HELQ: variants seen among roughly 807,000 people sequenced by gnomAD.
The protein encoded by HELQ is helicase POLQ-like.
In HELQ, 77 loss-of-function variants were observed where a neutral mutation model predicts 111.6. That is an observed-to-expected ratio of 0.69 (90% CI 0.57 to 0.83). HELQ has a LOEUF of 0.83. Ranked by LOEUF, HELQ falls within the 40% of genes least tolerant of loss-of-function variation. The pLI, the probability that HELQ is intolerant of heterozygous loss-of-function variation, is 0.00. For missense variants in HELQ, 1,200 were observed against 1,288.5 expected (o/e 0.93, Z 1.05); for synonymous variants, 438 against 454.7 (o/e 0.96, Z 0.47).
At chr4:83,434,705 C>T (rs1720353667) in intron 9 of HELQ, among the ~76,000 whole-genome samples, 1 of 152,078 alleles carries the variant, frequency 6.6e-6, no homozygotes, top group Non-Finnish European at 1.5e-5. Flanking sequence ...CTCAAGCAAT[C>T]CTCCTACCTT....
At chr4:83,433,483 C>T (rs1231735190) in intron 9 of HELQ, among the ~76,000 whole-genome samples, 1 of 151,632 alleles carries the variant, frequency 6.6e-6, no homozygotes, top group East Asian at 1.9e-4. Context: ...CTGGCTAACA[C>T]AGTGAAACCC....
At chr4:83,451,973 C>A (rs1439471627) in intron 2 of HELQ, among the ~76,000 whole-genome samples, 3 of 152,208 alleles carry the variant, frequency 2.0e-5, no homozygotes, top group Non-Finnish European at 2.9e-5. Context: ...AAGATCCTAA[C>A]AGGAGTTCCA....
At chr4:83,410,438 A>G (rs553892506) in intron 17 of HELQ, among the ~76,000 whole-genome samples, 1 of 152,322 alleles carries the variant, frequency 6.6e-6, no homozygotes, top group African/African-American at 2.4e-5. Context: ...GTAAATAAAT[A>G]CTGAATGTTT....
intron 14 of HELQ, among the ~76,000 whole-genome samples, chr4:83,422,164 G>T (rs556687975): frequency 3.3e-5 from 5 of 152,208 alleles, no homozygotes; most frequent in Admixed American, 2.6e-4. Context: ...AGGTTGCAGG[G>T]AGCCGAGATA....
intron 12 of HELQ, among the ~76,000 whole-genome samples, chr4:83,427,962 C>T (rs1719934309): frequency 6.6e-6 from 1 of 151,950 alleles, no homozygotes; most frequent in African/African-American, 2.4e-5. Context: ...CATATGTACC[C>T]CAAAATACAT....
Position 83,432,823 on chromosome 4 carries a change from G to A in HELQ, c.2049-556C>T, listed in dbSNP as rs1445219611. Among the ~76,000 whole-genome samples, 5 of 152,126 alleles carry A rather than the reference G, an allele frequency of 3.3e-5. No homozygotes were observed. The South Asian group carries it at 1.0e-3, about 32-fold the overall frequency. On this transcript the variant is annotated intron_variant, in intron 9 of 17. Transcript: ENST00000295488. ...GCACTTTGGAGGGCTGATGTGGGAGGTTTGCTTGAGTCCAGGAGTTTGAGA... is the reference window on the plus strand; with the variant it reads ...GCACTTTGGAGGGCTGATGTGGGAGATTTGCTTGAGTCCAGGAGTTTGAGA...
rs763256489 is a variant in HELQ, at chr4:83,426,053, T to C, written c.2716A>G (p.Ile906Val). Residue 906 changes from isoleucine (I) to valine (V), a missense_variant, in exon 14 of 18, where the codon ATT (isoleucine) becomes GTT (valine). Ile to Val is a conservative substitution (Grantham distance 29). This residue lies in a region of HELQ where 585 missense variants were observed against 665.3 expected (regional missense o/e 0.88). Transcript: ENST00000295488. The stretch of plus-strand genomic sequence containing the variant: ...ATAAAGCTTTCAGAGACTCCAAGAA[T>C]GGCAGCTACATTTTGTTCTGCTGGA... ...LSPAEQNVAAILGVSESFIGK... is the reference protein window; with the variant it reads ...LSPAEQNVAAVLGVSESFIGK... 6.2e-7 allele frequency: 1 copy of C among 1,611,092 alleles called. No individual in the cohort carries two copies. Among genetic ancestry groups the C allele is most frequent in the Non-Finnish European group, 8.5e-7 (1 of 1,177,634 alleles).
intron 8 of HELQ, among the ~76,000 whole-genome samples, chr4:83,438,337 T>C (rs752315392): frequency 3.9e-5 from 6 of 152,208 alleles, no homozygotes; most frequent in Non-Finnish European, 8.8e-5. Context: ...CTTATCTCTA[T>C]GAATACGACA....
rs531782477 is a variant in HELQ, at chr4:83,416,955, T to C, written c.3064-90A>G. ...TTTACTGAAAAGAACAAAAACTGCA[T>C]GTAAGAGACTGGGATAAAATAAAGT... On this transcript the variant is annotated intron_variant, in intron 16 of 17. Coordinates refer to ENST00000295488, the MANE Select transcript of HELQ (RefSeq NM_133636.5). 987 of 1,076,750 alleles carry C rather than the reference T, an allele frequency of 9.2e-4. 1 individual carries two copies. Among genetic ancestry groups the C allele is most frequent in the Non-Finnish European group, 1.2e-3 (904 of 744,464 alleles). 66.7% of individuals were successfully genotyped at this position (1,076,750 alleles called of 1,614,324 possible). A position where few individuals can be genotyped will look rare whatever the true frequency, so the allele number is the denominator to read the frequency against.
intron 15 of HELQ, among the ~76,000 whole-genome samples, chr4:83,419,236 T>C (rs1292801462): frequency 2.0e-5 from 3 of 150,750 alleles, no homozygotes; most frequent in Non-Finnish European, 4.4e-5. Flanking sequence ...CGATTCTTCT[T>C]CCAATGTGGC....
rs1487382542 is a variant in HELQ at position 83,453,234 on chromosome 4, A to G, written c.1009T>C (p.Tyr337His). 4 of 1,592,256 alleles carry G rather than the reference A, an allele frequency of 2.5e-6. No homozygotes were observed. Among genetic ancestry groups the G allele is most frequent in the East Asian group, 2.2e-5 (1 of 44,798 alleles). The change falls in exon 2 of 18, where the codon TAT (tyrosine) becomes CAT (histidine). Residue 337 changes from tyrosine (Y) to histidine (H), a missense_variant. Around this residue, in one of 3 missense-constraint regions of HELQ, gnomAD observed 610 missense variants for 607.1 expected, o/e 1.00. Coordinates refer to ENST00000295488, the MANE Select transcript of HELQ (RefSeq NM_133636.5). ...YAQFKGIEKL[Y>H]EWQHTCLTLN... ...TTATTCCAGCAAAAAGCATTACCATATAATTTTTCAATTCCCTTGAATTGG... is the reference window on the plus strand; with the variant it reads ...TTATTCCAGCAAAAAGCATTACCATGTAATTTTTCAATTCCCTTGAATTGG...
intron 14 of HELQ, among the ~76,000 whole-genome samples, chr4:83,424,463 G>A (rs62303754): frequency 0.014 from 2,180 of 152,260 alleles, 32 homozygotes; most frequent in Middle Eastern, 0.031. Context: ...GTCTCACTAT[G>A]TTGCCCATGC....
At chr4:83,439,520 C>T (rs527406201) in intron 8 of HELQ, among the ~76,000 whole-genome samples, 1 of 152,090 alleles carries the variant, frequency 6.6e-6, no homozygotes, top group East Asian at 1.9e-4. Flanking sequence ...GCACCACACC[C>T]AGCTAATTTT....
Position 83,448,978 on chromosome 4 carries a change from A to C in HELQ, c.1013-17T>G. ...GTTGCCATTCTGTGGAATTAAAAAA[A>C]AAAAGGCATTATTTTCCCCTTCCAA... On this transcript the variant is annotated splice_polypyrimidine_tract_variant and intron_variant, in intron 2 of 17. Coordinates refer to ENST00000295488, the MANE Select transcript of HELQ (RefSeq NM_133636.5). 6.5e-7 allele frequency: 1 copy of C among 1,535,228 alleles called. No individual in the cohort carries two copies. The highest frequency in any genetic ancestry group is 8.8e-7 in the Non-Finnish European group (1 of 1,135,498).
Position 83,428,389 on chromosome 4 carries a change from C to T in HELQ, c.2519-669G>A, listed in dbSNP as rs372137824. Among the ~76,000 whole-genome samples the T allele has an allele frequency of 1.2e-4, 18 of 151,988 alleles. 1 individual carries two copies. Among genetic ancestry groups the T allele is most frequent in the Admixed American group, 8.5e-4 (13 of 15,248 alleles). Reference sequence around the variant, plus strand: ...CAGCCTGGGCACCATCGTGAAACCCCATCTCCACTAAAAATACAAAAATTA... The same window carrying T: ...CAGCCTGGGCACCATCGTGAAACCCTATCTCCACTAAAAATACAAAAATTA... On this transcript the variant is annotated intron_variant, in intron 12 of 17. Coordinates refer to ENST00000295488, the MANE Select transcript of HELQ (RefSeq NM_133636.5).
In HELQ at chr4:83,455,459, C is replaced by A; in HGVS notation, c.235G>T (p.Gly79Cys). The A allele has an allele frequency of 6.2e-7, 1 of 1,614,214 alleles. No individual in the cohort carries two copies. The highest frequency in any genetic ancestry group is 8.5e-7 in the Non-Finnish European group (1 of 1,180,042). Residue 79 changes from glycine (G) to cysteine (C), a missense_variant, in exon 1 of 18, where the codon GGT (glycine) becomes TGT (cysteine). Transcript: ENST00000295488. ...AGGAGGTCCGGGTTTGTATCACCAC[C>A]TCCAAGGACGAGACATTCCGGGGAA... The part of the protein sequence containing the change: ...SDSPECLVLG[G>C]GDTNPDLLRH...
chr4:83,431,488 T>C (rs549094627), intron 11 of HELQ, among the ~76,000 whole-genome samples, 176 bp downstream of exon 11: 143 of 151,236 alleles, frequency 9.5e-4, no homozygotes, highest in African/African-American at 3.2e-3. Flanking sequence ...TTATTTACAT[T>C]AATCACTGAA....
chr4:83,452,492 G>T (rs1038785109), intron 2 of HELQ, among the ~76,000 whole-genome samples: 5 of 152,110 alleles, frequency 3.3e-5, no homozygotes, highest in African/African-American at 1.2e-4. Flanking sequence ...GGTGTGGGGG[G>T]AAAGATGTTT....
Position 83,427,436 on chromosome 4 carries a change from C to A in HELQ, c.2676+127G>T, listed in dbSNP as rs539418036. The A allele has an allele frequency of 4.7e-6, 3 of 636,012 alleles. No individual in the cohort carries two copies. The East Asian group carries it at 9.6e-5, about 20-fold the overall frequency. The allele number at this position is 636,012 out of a possible 1,614,324, so 39.4% of individuals were successfully genotyped here. A position where few individuals can be genotyped will look rare whatever the true frequency, so the allele number is the denominator to read the frequency against. On this transcript the variant is annotated intron_variant, in intron 13 of 17. Transcript: ENST00000295488. ...TTGGGAGGACAATGTGGGAAGACTG[C>A]TTGAGCCTAGGAGTTTGAGACCAGC... is the stretch of plus-strand genomic sequence containing the variant.
Sources: gnomAD v4.1 joint callset for allele counts (sites outside exome capture counted in the v4.1 genomes callset) on GRCh38, gnomAD v4.1.1 for gene constraint, gnomAD v4.1.1 regional missense constraint, MANE v1.5 for transcripts, NCBI Gene and HGNC (gene_info 2026-07-23, HGNC 2026-07-21) for gene names.